Variants in CRIM1 observed in about 807,000 individuals in gnomAD.
CRIM1 encodes the protein cysteine rich transmembrane BMP regulator 1.
Under a neutral mutation model 116.4 loss-of-function variants are expected in CRIM1, and 32 were observed. The ratio of observed to expected loss-of-function variants is 0.27; its 90% CI spans 0.21 to 0.37. The LOEUF (loss-of-function observed/expected upper bound fraction) is 0.37. Ranked by LOEUF, CRIM1 falls within the 10% of genes least tolerant of loss-of-function variation. The pLI is 1.00. For missense variants in CRIM1, 1,331 were observed against 1,354.8 expected, an observed-to-expected ratio of 0.98 and a Z score of 0.28; for synonymous variants, 590 against 509.2, an observed-to-expected ratio of 1.16 and a Z score of -2.13.
At chr2:36,461,596 A>G (rs1186134129) in intron 4 of CRIM1, among the ~76,000 whole-genome samples, 1 of 152,188 alleles carries the variant, frequency 6.6e-6, no homozygotes, top group Non-Finnish European at 1.5e-5. Flanking sequence ...AGGGAAGAAT[A>G]CCTCCTGCAG....
rs148726545 is a variant in CRIM1, at chr2:36,467,339, C to CG, written c.991+2684_991+2685insG. 2.9e-3 allele frequency among the ~76,000 whole-genome samples: 446 copies of CG among 152,298 alleles called. 5 individuals carry two copies. Among genetic ancestry groups the CG allele is most frequent in the African/African-American group, 0.01 (426 of 41,570 alleles). Reference sequence around the variant, plus strand: ...CAGAATATTGTTAAGAACATTGTCTCAAAGCCTGCATTTTTCTTCTTTTGA... The same window carrying CG: ...CAGAATATTGTTAAGAACATTGTCTCGAAAGCCTGCATTTTTCTTCTTTTGA... On this transcript the variant is annotated intron_variant, in intron 5 of 16. Transcript: ENST00000280527.
At chr2:36,483,511 G>C (rs149788050) in intron 7 of CRIM1, among the ~76,000 whole-genome samples, 75 of 152,258 alleles carry the variant, frequency 4.9e-4, no homozygotes, top group Non-Finnish European at 8.4e-4. Flanking sequence ...ACAAAGTTCG[G>C]AGGCCATGTA....
At position 36,410,267 on chromosome 2, in the gene CRIM1, A is replaced by AT. The variant is rs574425224; in HGVS notation, c.505+13489dup. On this transcript the variant is annotated intron_variant, in intron 2 of 16. Transcript: ENST00000280527. ...CATTATTCTTTTCTCTGTCACTGGG[A>AT]TTTTTTTTTCAATTTCCCGAAAAGC... Among the ~76,000 whole-genome samples the AT allele has an allele frequency of 8.2e-4, 124 of 150,660 alleles. 1 individual carries two copies. The highest frequency in any genetic ancestry group is 4.7e-3 in the South Asian group (22 of 4,716).
intron 2 of CRIM1, among the ~76,000 whole-genome samples, chr2:36,427,012 C>CT (rs1464506564): frequency 4.6e-5 from 7 of 152,130 alleles, no homozygotes; most frequent in African/African-American, 1.7e-4. Context: ...ACCAGCCTGA[C>CT]TAACATGGTG....
intron 5 of CRIM1, among the ~76,000 whole-genome samples, chr2:36,468,975 G>A (rs140054367): frequency 1.3e-5 from 2 of 152,350 alleles, no homozygotes. Flanking sequence ...TTCCCCAAGT[G>A]AGTAAATGAA....
intron 2 of CRIM1, among the ~76,000 whole-genome samples, chr2:36,420,273 T>C (rs962420410): frequency 6.6e-6 from 1 of 152,226 alleles, no homozygotes; most frequent in African/African-American, 2.4e-5. Context: ...AGCATGCTTA[T>C]ATATCAGATG....
At chr2:36,525,573 C>T (rs955852742) in intron 13 of CRIM1, among the ~76,000 whole-genome samples, 1 of 152,182 alleles carries the variant, frequency 6.6e-6, no homozygotes, top group African/African-American at 2.4e-5. Context: ...CCAGTGGGCA[C>T]CAAAGACCAG....
At chr2:36,444,245 T>C (rs1405543902) in intron 4 of CRIM1, among the ~76,000 whole-genome samples, 1 of 152,126 alleles carries the variant, frequency 6.6e-6, no homozygotes, top group Non-Finnish European at 1.5e-5. Context: ...CAGCTATTTT[T>C]TCAGTCACTC....
chr2:36,458,395 C>G (rs1220179777), intron 4 of CRIM1, among the ~76,000 whole-genome samples: 1 of 152,110 alleles, frequency 6.6e-6, no homozygotes, highest in Non-Finnish European at 1.5e-5. Context: ...CCAGGAATCT[C>G]CTGTAGGTTA....
At chr2:36,414,508 C>T (rs772562126) in intron 2 of CRIM1, among the ~76,000 whole-genome samples, 7 of 152,188 alleles carry the variant, frequency 4.6e-5, no homozygotes, top group African/African-American at 9.6e-5. Flanking sequence ...AGTCCCCCCC[C>T]GAGCTTTCAG....
intron 7 of CRIM1, among the ~76,000 whole-genome samples, chr2:36,482,150 T>C (rs769859101): frequency 7.2e-5 from 11 of 152,168 alleles, no homozygotes; most frequent in Admixed American, 1.3e-4. Context: ...TCTCTGTCTC[T>C]TTCATGCTCT....
rs1352319304 is a variant in CRIM1 at position 36,537,372 on chromosome 2, G to A, written c.2449G>A (p.Val817Met). The A allele has an allele frequency of 3.1e-6, 5 of 1,614,074 alleles. No homozygotes were observed. Among genetic ancestry groups the A allele is most frequent in the African/African-American group, 1.3e-5 (1 of 74,948 alleles). The part of the protein sequence containing the change: ...YCIEDTIPKK[V>M]VCHFSGKAYA... Reference sequence around the variant, plus strand: ...ACTAGAAGACACAATTCCAAAGAAGGTGGTGTGCCACTTCAGTGGGAAGGC... The same window carrying A: ...ACTAGAAGACACAATTCCAAAGAAGATGGTGTGCCACTTCAGTGGGAAGGC... The change falls in exon 14 of 17, where the codon GTG becomes ATG. Residue 817 changes from valine to methionine, a missense_variant. Physicochemically the swap from Val to Met is conservative, Grantham distance 21. Transcript: ENST00000280527.
At chr2:36,440,140 T>C (rs848508) in intron 2 of CRIM1, among the ~76,000 whole-genome samples, 116,754 of 152,112 alleles carry the variant, frequency 0.77, 45,537 homozygotes, top group East Asian at 0.98. Context: ...TGGAATGAGG[T>C]GACCTGGATT....
At chr2:36,474,931 C>G (rs747951892) in intron 5 of CRIM1, among the ~76,000 whole-genome samples, 11 of 150,684 alleles carry the variant, frequency 7.3e-5, no homozygotes, top group Admixed American at 6.6e-5. Flanking sequence ...TAGTTTATTC[C>G]TGAACTCTCA....
At chr2:36,383,508 A>T (rs1488464234) in intron 1 of CRIM1, among the ~76,000 whole-genome samples, 1 of 152,236 alleles carries the variant, frequency 6.6e-6, no homozygotes, top group Non-Finnish European at 1.5e-5. Flanking sequence ...CAGTATTGTT[A>T]GTAGAGTATA....
intron 8 of CRIM1, among the ~76,000 whole-genome samples, chr2:36,507,871 C>T (rs1681540901): frequency 6.6e-6 from 1 of 152,150 alleles, no homozygotes; most frequent in Admixed American, 6.5e-5. Flanking sequence ...GGTGCTCAGG[C>T]TCCAAAATTG....
chr2:36,455,944 G>A (rs115245710), intron 4 of CRIM1, among the ~76,000 whole-genome samples: 203 of 152,260 alleles, frequency 1.3e-3, no homozygotes, highest in African/African-American at 4.7e-3. Context: ...ACTTTGCACT[G>A]ATGACAAGGA....
chr2:36,386,981 G>A (rs1367814847), intron 1 of CRIM1, among the ~76,000 whole-genome samples: 2 of 152,174 alleles, frequency 1.3e-5, no homozygotes. Context: ...GAAGAGGAAG[G>A]CATGGCAGAG....
chr2:36,471,807 C>G (rs947865954), intron 5 of CRIM1, among the ~76,000 whole-genome samples: 1 of 151,722 alleles, frequency 6.6e-6, no homozygotes, highest in Non-Finnish European at 1.5e-5. Context: ...CCATCCTAGG[C>G]CTCATGTGGC....
Sources: gnomAD v4.1 joint callset for allele counts (sites outside exome capture counted in the v4.1 genomes callset) on GRCh38, gnomAD v4.1.1 for gene constraint, MANE v1.5 for transcripts, NCBI Gene and HGNC (gene_info 2026-07-23, HGNC 2026-07-21) for gene names.